Variants in PCMTD1 observed in about 807,000 individuals in gnomAD.
The protein encoded by PCMTD1 is protein-L-isoaspartate (D-aspartate) O-methyltransferase domain containing 1, also known as protein-L-isoaspartate O-methyltransferase domain-containing protein 1.
PCMTD1 carries 12 observed loss-of-function variants against 37.6 expected under a neutral mutation model. The ratio of observed to expected loss-of-function variants is 0.32; its 90% confidence interval spans 0.20 to 0.52. The LOEUF is 0.52. Among genes scored for constraint, PCMTD1 ranks in the 20% least tolerant of loss-of-function variants. The pLI is 0.97. For missense variants in PCMTD1, 235 were observed against 421.3 expected, an observed-to-expected ratio of 0.56 and a Z score of 3.87; for synonymous variants, 117 against 135.8, an observed-to-expected ratio of 0.86 and a Z score of 0.96.
At chr8:51,891,698 A>G (rs1463871026) in intron 1 of PCMTD1, among the ~76,000 whole-genome samples, 12 of 144,706 alleles carry the variant, frequency 8.3e-5, no homozygotes, top group East Asian at 2.2e-4. Flanking sequence ...ATATATATGT[A>G]TATATATATA....
rs568244142 is a variant in PCMTD1 at position 51,836,742 on chromosome 8, T to C, written c.411-3053A>G. On this transcript the variant is annotated intron_variant, in intron 3 of 5. Coordinates refer to ENST00000522514, the MANE Select transcript of PCMTD1 (RefSeq NM_052937.4). ...CTTATGGTACTTCTTCTAATTGTTT[T>C]AATTTTTAAAATACAGACACAGAGT... 2.0e-4 allele frequency among the ~76,000 whole-genome samples: 30 copies of C among 152,326 alleles called. No individual in the cohort carries two copies. The South Asian group carries it at 6.2e-3, about 32-fold the overall frequency.
intron 1 of PCMTD1, among the ~76,000 whole-genome samples, chr8:51,887,245 G>GT (rs1286943535): frequency 1.3e-5 from 2 of 152,028 alleles, no homozygotes; most frequent in Non-Finnish European, 2.9e-5. Context: ...GGACCTCTTT[G>GT]GGGGGCTACT....
chr8:51,862,897 A>C (rs1384915860), intron 1 of PCMTD1, among the ~76,000 whole-genome samples: 5 of 152,230 alleles, frequency 3.3e-5, no homozygotes, highest in African/African-American at 4.8e-5. Flanking sequence ...ACAAGGGCTT[A>C]CAGCACCCTT....
At chr8:51,876,909 G>A (rs117543939) in intron 1 of PCMTD1, among the ~76,000 whole-genome samples, 3,972 of 152,296 alleles carry the variant, frequency 0.026, 97 homozygotes, top group South Asian at 0.038. Context: ...GCTAAAACCA[G>A]TGTGTGAAAA....
In PCMTD1 at chr8:51,893,978, A is replaced by G. The variant is rs142501000; in HGVS notation, c.-96+4952T>C. 4.9e-4 allele frequency among the ~76,000 whole-genome samples: 75 copies of G among 152,338 alleles called. 1 individual carries two copies. In the East Asian group the frequency reaches 0.013, roughly 26 times the overall value. Reference sequence around the variant, plus strand: ...GTTTGTGCTTCAAGCATCTTATATAATCCAATTACAACTGTTAGAGTACTC... The same window carrying G: ...GTTTGTGCTTCAAGCATCTTATATAGTCCAATTACAACTGTTAGAGTACTC... On this transcript the variant is annotated intron_variant, in intron 1 of 5. Coordinates refer to ENST00000522514, the MANE Select transcript of PCMTD1 (RefSeq NM_052937.4).
chr8:51,825,983 A>C (rs948959407), intron 5 of PCMTD1, among the ~76,000 whole-genome samples: 1 of 152,196 alleles, frequency 6.6e-6, no homozygotes, highest in African/African-American at 2.4e-5. Flanking sequence ...AGAACTAGAA[A>C]TAACATTTGA....
chr8:51,834,104 G>C (rs1406275987), intron 3 of PCMTD1, among the ~76,000 whole-genome samples: 2 of 152,144 alleles, frequency 1.3e-5, no homozygotes, highest in Admixed American at 6.5e-5. Flanking sequence ...GAAATGAGAA[G>C]GGTTTGTGTA....
chr8:51,820,841 A>G lies in PCMTD1; in HGVS notation c.707-123T>C, dbSNP rs1585777374. 10 of 1,140,502 alleles carry G rather than the reference A, an allele frequency of 8.8e-6. No homozygotes were observed. In the East Asian group the frequency reaches 2.7e-4, roughly 31 times the overall value. 70.6% of individuals were successfully genotyped at this position (1,140,502 alleles called of 1,614,324 possible). A position where few individuals can be genotyped will look rare whatever the true frequency, so the allele number is the denominator to read the frequency against. ...TTTTAGAAAATACAGAAAATATGAA[A>G]ACTCTACCTTTCATCTAACAAAGGT... is the stretch of plus-strand genomic sequence containing the variant. On this transcript the variant is annotated intron_variant, in intron 5 of 5. Coordinates refer to ENST00000522514, the MANE Select transcript of PCMTD1 (RefSeq NM_052937.4).
chr8:51,844,915 T>A (rs1213985197), intron 3 of PCMTD1: 1 of 152,214 alleles, frequency 6.6e-6, no homozygotes, highest in Admixed American at 6.5e-5. Flanking sequence ...TAAGCTTGTG[T>A]TTTCTATCCT....
chr8:51,871,910 G>A (rs1157045019), intron 1 of PCMTD1, among the ~76,000 whole-genome samples: 1 of 152,030 alleles, frequency 6.6e-6, no homozygotes. Flanking sequence ...AAGCTCTCTT[G>A]GAAACATCCA....
At position 51,898,859 on chromosome 8, in the gene PCMTD1, C is replaced by G. The variant is rs1013620564; in HGVS notation, c.-96+71G>C. On this transcript the variant is annotated intron_variant, in intron 1 of 5. Coordinates refer to ENST00000522514, the MANE Select transcript of PCMTD1 (RefSeq NM_052937.4). ...CTCTGGCCTCCAAGCGCATCCCAGTCGCCCGCCCGGCCCTAGCACGCGGGA... is the reference window on the plus strand; with the variant it reads ...CTCTGGCCTCCAAGCGCATCCCAGTGGCCCGCCCGGCCCTAGCACGCGGGA... 3.2e-6 allele frequency: 4 copies of G among 1,233,362 alleles called. No individual in the cohort carries two copies. The African/African-American group carries it at 6.2e-5, about 19-fold the overall frequency. The allele number at this position is 1,233,362 out of a possible 1,614,324, so 76.4% of individuals were successfully genotyped here. A position where few individuals can be genotyped will look rare whatever the true frequency, so the allele number is the denominator to read the frequency against.
At chr8:51,839,944 AT>A (rs1373586253) in intron 3 of PCMTD1, among the ~76,000 whole-genome samples, 1 of 152,214 alleles carries the variant, frequency 6.6e-6, no homozygotes, top group East Asian at 1.9e-4. Flanking sequence ...AGACTTTTCC[AT>A]TGTGAAGAAA....
intron 2 of PCMTD1, among the ~76,000 whole-genome samples, chr8:51,846,845 T>C (rs2129281451): frequency 6.6e-6 from 1 of 152,312 alleles, no homozygotes; most frequent in Non-Finnish European, 1.5e-5. Flanking sequence ...AACCAAAATG[T>C]TCAGATATAA....
intron 1 of PCMTD1, among the ~76,000 whole-genome samples, chr8:51,863,655 C>T (rs997195403): frequency 6.6e-6 from 1 of 152,184 alleles, no homozygotes; most frequent in East Asian, 1.9e-4. Context: ...GATGCGGTGG[C>T]TCACGCCTGT....
At chr8:51,837,303 A>C (rs2038082717) in intron 3 of PCMTD1, among the ~76,000 whole-genome samples, 1 of 152,188 alleles carries the variant, frequency 6.6e-6, no homozygotes, top group South Asian at 2.1e-4. Context: ...AACATGTTTA[A>C]ATTGATTTCC....
chr8:51,834,546 C>T (rs1032103556), intron 3 of PCMTD1, among the ~76,000 whole-genome samples: 9 of 152,120 alleles, frequency 5.9e-5, no homozygotes, highest in Admixed American at 2.6e-4. Flanking sequence ...AAAATTAATT[C>T]GTATCCTTTC....
intron 1 of PCMTD1, among the ~76,000 whole-genome samples, chr8:51,872,503 C>G (rs2038653244): frequency 6.6e-6 from 1 of 152,158 alleles, no homozygotes; most frequent in Non-Finnish European, 1.5e-5. Context: ...TTCACCTCCT[C>G]TAACTCAGGA....
chr8:51,896,360 A>G (rs1172709938), intron 1 of PCMTD1: 2 of 152,190 alleles, frequency 1.3e-5, no homozygotes, highest in Admixed American at 1.3e-4. Flanking sequence ...TGACTACCAA[A>G]TATTTTAAAA....
At chr8:51,897,276 T>C (rs1415107382) in intron 1 of PCMTD1, among the ~76,000 whole-genome samples, 1 of 152,240 alleles carries the variant, frequency 6.6e-6, no homozygotes, top group African/African-American at 2.4e-5. Context: ...GGGAATTTCC[T>C]AGCTTTCTGT....
Sources: allele counts gnomAD v4.1 joint callset (sites outside exome capture counted in the v4.1 genomes callset), GRCh38; gene constraint gnomAD v4.1.1; transcripts MANE v1.5; gene names NCBI Gene and HGNC (gene_info 2026-07-23, HGNC 2026-07-21).